The following CREB5 variants were observed in gnomAD, a reference collection of about 807,000 sequenced individuals.
CREB5 encodes cyclic AMP-responsive element-binding protein 5.
In CREB5, 19 loss-of-function variants were observed where a neutral mutation model predicts 57.1. The observed-to-expected ratio is 0.33, with a 90% confidence interval of 0.23 to 0.49. CREB5 has a LOEUF of 0.49. CREB5 is among the 20% of genes least tolerant of loss of function. The pLI, the probability that CREB5 is intolerant of heterozygous loss-of-function variation, is 0.99. For synonymous variants in CREB5, 238 were observed against 238.3 expected (o/e 1.00, Z 0.01); for missense variants, 579 against 671.6 (o/e 0.86, Z 1.52).
At chr7:28,380,931 G>A (rs1181997907) in intron 1 of CREB5, among the ~76,000 whole-genome samples, 1 of 152,102 alleles carries the variant, frequency 6.6e-6, no homozygotes, top group East Asian at 1.9e-4. Context: ...TATTTGATAA[G>A]CCTCCCATGT....
At chr7:28,769,453 A>G (rs1240217644) in intron 7 of CREB5, among the ~76,000 whole-genome samples, 2 of 152,230 alleles carry the variant, frequency 1.3e-5, no homozygotes, top group South Asian at 2.1e-4. Flanking sequence ...ACATATACCC[A>G]TAAATACGTA....
rs116064676 is a variant in CREB5, at chr7:28,727,700, G to A, written c.702+3368G>A. Among the ~76,000 whole-genome samples the A allele has an allele frequency of 2.2e-3, 339 of 152,316 alleles. 1 individual carries two copies. The highest frequency in any genetic ancestry group is 7.9e-3 in the African/African-American group (330 of 41,570). ...AGCAGTGAGGGTTAGGGGTGGAGAT[G>A]TGGCCATACACCTGTCTTGTGTCTC... is the stretch of plus-strand genomic sequence containing the variant. On this transcript the variant is annotated intron_variant, in intron 7 of 10. Coordinates refer to ENST00000357727, the MANE Select transcript of CREB5 (RefSeq NM_182898.4).
chr7:28,712,171 G>T (rs1802427316), intron 5 of CREB5, among the ~76,000 whole-genome samples: 2 of 152,056 alleles, frequency 1.3e-5, no homozygotes. Flanking sequence ...ACCTGCCAAG[G>T]AAGCTAAGTA....
At chr7:28,793,666 G>A (rs1191783548) in intron 7 of CREB5, among the ~76,000 whole-genome samples, 3 of 152,238 alleles carry the variant, frequency 2.0e-5, no homozygotes, top group Non-Finnish European at 4.4e-5. Context: ...CCTCCCAAGG[G>A]CTTGGGGGAG....
chr7:28,671,464 A>G (rs545113377), intron 5 of CREB5, among the ~76,000 whole-genome samples: 3 of 152,188 alleles, frequency 2.0e-5, no homozygotes, highest in Non-Finnish European at 2.9e-5. Flanking sequence ...TGCTAGTTCA[A>G]CTAGAACACA....
intron 4 of CREB5, among the ~76,000 whole-genome samples, chr7:28,511,765 C>T (rs1792710705): frequency 6.6e-6 from 1 of 152,204 alleles, no homozygotes; most frequent in East Asian, 1.9e-4. Flanking sequence ...GGATTACCGG[C>T]GTGAGCCACT....
intron 1 of CREB5, among the ~76,000 whole-genome samples, chr7:28,326,157 CTATCT>C (rs1386558656): frequency 5.3e-4 from 3 of 5,682 alleles, no homozygotes; most frequent in Non-Finnish European, 1.1e-3. Flanking sequence ...CACACATTAT[CTATCT>C]ATCTATCTAT....
intron 5 of CREB5, among the ~76,000 whole-genome samples, chr7:28,670,816 A>C (rs1274131411): frequency 6.6e-6 from 1 of 152,142 alleles, no homozygotes; most frequent in African/African-American, 2.4e-5. Context: ...TTTGTTGAGG[A>C]AGTTACCATT....
chr7:28,601,653 T>C (rs1325614057), intron 5 of CREB5, among the ~76,000 whole-genome samples: 1 of 152,164 alleles, frequency 6.6e-6, no homozygotes, highest in Non-Finnish European at 1.5e-5. Context: ...TCTTAAAAGC[T>C]TAAAATAACA....
intron 4 of CREB5, among the ~76,000 whole-genome samples, chr7:28,514,217 C>T (rs764700950): frequency 8.5e-5 from 13 of 152,060 alleles, no homozygotes; most frequent in Non-Finnish European, 1.8e-4. Flanking sequence ...ATTTTGAGTG[C>T]TTGATTATTT....
intron 4 of CREB5, among the ~76,000 whole-genome samples, chr7:28,524,433 A>G (rs61414121): frequency 0.022 from 3,336 of 152,112 alleles, 96 homozygotes; most frequent in African/African-American, 0.075. Flanking sequence ...TGAACCTGGA[A>G]GTGAGCTGCA....
At chr7:28,811,690 A>C (rs975023215) in intron 9 of CREB5, among the ~76,000 whole-genome samples, 1 of 152,220 alleles carries the variant, frequency 6.6e-6, no homozygotes, top group Non-Finnish European at 1.5e-5. Context: ...TAACATTAAT[A>C]ATCATATTTT....
intron 5 of CREB5, among the ~76,000 whole-genome samples, chr7:28,700,028 T>C (rs1562581235): frequency 6.6e-6 from 1 of 152,230 alleles, no homozygotes; most frequent in Non-Finnish European, 1.5e-5. Context: ...ATCACCTAAA[T>C]GGGACGTACA....
In CREB5 at chr7:28,354,161, C is replaced by T. The variant is rs34531802; in HGVS notation, c.-25+54720C>T. Among the ~76,000 whole-genome samples, 675 of 152,162 alleles carry T rather than the reference C, an allele frequency of 4.4e-3. 5 individuals are homozygous for T. The highest frequency in any genetic ancestry group is 9.5e-3 in the Admixed American group (146 of 15,290). ...GTCTAAATTAAGTATGGAAGGAAGG[C>T]GTGATGGTTAATACTGAGTGTCCAC... is the stretch of plus-strand genomic sequence containing the variant. On this transcript the variant is annotated intron_variant, in intron 1 of 9. Coordinates refer to the CREB5 transcript ENST00000396299.
chr7:28,692,885 A>G (rs1477533062), intron 5 of CREB5, among the ~76,000 whole-genome samples: 2 of 152,180 alleles, frequency 1.3e-5, no homozygotes, highest in African/African-American at 2.4e-5. Context: ...TTGACTTAGC[A>G]CTCCAAAATC....
At chr7:28,744,087 G>C (rs1421353714) in intron 7 of CREB5, among the ~76,000 whole-genome samples, 1 of 122,342 alleles carries the variant, frequency 8.2e-6, no homozygotes, top group Non-Finnish European at 1.6e-5. Context: ...ACCTATGAGT[G>C]AGAATATGCG....
intron 7 of CREB5, among the ~76,000 whole-genome samples, chr7:28,725,306 T>C (rs1308001063): frequency 6.6e-6 from 1 of 152,216 alleles, no homozygotes; most frequent in African/African-American, 2.4e-5. Flanking sequence ...CTTTTCAATG[T>C]CAGCAAGAGT....
intron 1 of CREB5, among the ~76,000 whole-genome samples, chr7:28,467,848 G>T (rs1171446969): frequency 1.3e-5 from 2 of 152,190 alleles, no homozygotes; most frequent in Non-Finnish European, 2.9e-5. Context: ...TGGCCCCTAG[G>T]ATGGGAATGG....
At chr7:28,334,016 G>T (rs1023752831) in intron 1 of CREB5, among the ~76,000 whole-genome samples, 2 of 152,200 alleles carry the variant, frequency 1.3e-5, no homozygotes, top group Non-Finnish European at 1.5e-5. Context: ...CCCACCAACG[G>T]TGTTTCCTTT....
Sources: gnomAD v4.1 joint callset for allele counts (sites outside exome capture counted in the v4.1 genomes callset) on GRCh38, gnomAD v4.1.1 for gene constraint, MANE v1.5 for transcripts, NCBI Gene and HGNC (gene_info 2026-07-23, HGNC 2026-07-21) for gene names.